Variants in OSBPL1A observed in about 807,000 individuals in gnomAD.
OSBPL1A encodes oxysterol binding protein like 1A, also known as oxysterol-binding protein-related protein 1.
In OSBPL1A, 80 loss-of-function variants were observed where a neutral mutation model predicts 137.1. The observed-to-expected ratio is 0.58, with a 90% CI of 0.49 to 0.70. The LOEUF (loss-of-function observed/expected upper bound fraction) is 0.70. Among genes scored for constraint, OSBPL1A ranks in the 30% least tolerant of loss-of-function variants. OSBPL1A has a pLI of 0.00. For missense variants in OSBPL1A, 970 were observed against 1,129.4 expected (o/e 0.86, Z 2.02); for synonymous variants, 365 against 389.7 (o/e 0.94, Z 0.75).
In OSBPL1A at chr18:24,225,101, C is replaced by CATTCT. The variant is rs2088029444; in HGVS notation, c.1537_1541dup (p.Met514IlefsTer63). Reference sequence around the variant, plus strand: ...CGCCACCACAGTCTTTTTCTTCGGACATTCTGTGTTTTCTACTGCCCAAAT... The same window carrying CATTCT: ...CGCCACCACAGTCTTTTTCTTCGGACATTCTATTCTGTGTTTTCTACTGCCCAAAT... On this transcript the variant is annotated frameshift_variant, in exon 17 of 28. Coordinates refer to ENST00000319481, the MANE Select transcript of OSBPL1A (RefSeq NM_080597.4). LOFTEE classifies it high-confidence loss of function. 1 of 1,614,196 alleles carries CATTCT rather than the reference C, an allele frequency of 6.2e-7. No homozygotes were observed. The highest frequency in any genetic ancestry group is 8.5e-7 in the Non-Finnish European group (1 of 1,180,026).
chr18:24,374,946 C>G (rs1286941232), intron 2 of OSBPL1A, among the ~76,000 whole-genome samples: 1 of 152,054 alleles, frequency 6.6e-6, no homozygotes, highest in Non-Finnish European at 1.5e-5. Context: ...CACAGCAAGT[C>G]TCACCTCTAC....
At chr18:24,284,718 G>A (rs182972413) in intron 14 of OSBPL1A, among the ~76,000 whole-genome samples, 111 of 152,196 alleles carry the variant, frequency 7.3e-4, no homozygotes, top group South Asian at 5.8e-3. Context: ...TCCTGGAAAT[G>A]TTTGTTTACC....
rs1047003712 is a variant in OSBPL1A, at chr18:24,164,574, G to T, written c.2750+491C>A. Among the ~76,000 whole-genome samples the T allele has an allele frequency of 2.2e-4, 34 of 151,976 alleles. No homozygotes were observed. In the East Asian group the frequency reaches 3.9e-3, roughly 17 times the overall value. On this transcript the variant is annotated intron_variant, in intron 27 of 27. Coordinates refer to ENST00000319481, the MANE Select transcript of OSBPL1A (RefSeq NM_080597.4). ...CTCCTGAATATCTGGGACTACAGGC[G>T]CCCGCCACCACGCCCAGCTAATTTT...
chr18:24,271,917 C>T lies in OSBPL1A; in HGVS notation c.1281+8925G>A. 1 of 983,986 alleles carries T rather than the reference C, an allele frequency of 1.0e-6. No individual in the cohort carries two copies. Among genetic ancestry groups the T allele is most frequent in the African/African-American group, 1.7e-5 (1 of 57,186 alleles). The allele number at this position is 983,986 out of a possible 1,614,324, so 61.0% of individuals were successfully genotyped here. A position where few individuals can be genotyped will look rare whatever the true frequency, so the allele number is the denominator to read the frequency against. On this transcript the variant is annotated intron_variant, in intron 15 of 27. Transcript: ENST00000319481. This position sits in a 1 kb window ranked among gnomAD's most constrained non-coding sequence, Gnocchi z 4.0. ...CGCCCGCCCGGGCCGCAGAGGTCTG[C>T]GCTGCCCCTCCGCCGCCGCTGGCTC...
At chr18:24,191,588 A>G (rs746514412) in intron 18 of OSBPL1A, among the ~76,000 whole-genome samples, 3 of 152,250 alleles carry the variant, frequency 2.0e-5, no homozygotes, top group African/African-American at 4.8e-5. Flanking sequence ...AATTGTAATC[A>G]AATACTAACA....
At chr18:24,174,614 C>A (rs1465205288) in intron 21 of OSBPL1A, among the ~76,000 whole-genome samples, 1 of 152,170 alleles carries the variant, frequency 6.6e-6, no homozygotes, top group Non-Finnish European at 1.5e-5. Flanking sequence ...CCTCCACATC[C>A]TTGTCAGCAC....
At chr18:24,360,135 A>AT (rs1213179979) in intron 4 of OSBPL1A, among the ~76,000 whole-genome samples, 1 of 151,966 alleles carries the variant, frequency 6.6e-6, no homozygotes, top group East Asian at 1.9e-4. Flanking sequence ...GGCCCAGCTA[A>AT]TTTTTTTGTA....
intron 4 of OSBPL1A, among the ~76,000 whole-genome samples, chr18:24,360,693 C>T (rs982701757): frequency 6.6e-6 from 1 of 152,110 alleles, no homozygotes. Flanking sequence ...TGTTGGAGTT[C>T]ACATGTCCTT....
chr18:24,170,587 T>A, intron 23 of OSBPL1A, 134 bp from the exon 24 acceptor site: 1 of 914,362 alleles, frequency 1.1e-6, no homozygotes, highest in Non-Finnish European at 1.7e-6. Flanking sequence ...CAAGAGCAGA[T>A]GAGATCAGGC....
chr18:24,354,051 A>G (rs2091491279), intron 4 of OSBPL1A, among the ~76,000 whole-genome samples: 1 of 152,148 alleles, frequency 6.6e-6, no homozygotes, highest in Non-Finnish European at 1.5e-5. Context: ...CATGTACCCT[A>G]AAACTTAAAG....
chr18:24,211,058 C>T (rs982702639), intron 17 of OSBPL1A, among the ~76,000 whole-genome samples: 6 of 152,064 alleles, frequency 3.9e-5, no homozygotes, highest in African/African-American at 9.7e-5. Context: ...CTCTGCCTCC[C>T]GGGTTCAAGT....
intron 14 of OSBPL1A, among the ~76,000 whole-genome samples, chr18:24,289,311 T>C (rs2090131215): frequency 6.6e-6 from 1 of 151,688 alleles, no homozygotes; most frequent in Admixed American, 6.6e-5. Flanking sequence ...GTAGATCTGG[T>C]TATAAATCTG....
At chr18:24,168,521 G>A (rs183358996) in intron 24 of OSBPL1A, among the ~76,000 whole-genome samples, 18 of 152,328 alleles carry the variant, frequency 1.2e-4, no homozygotes, top group African/African-American at 4.3e-4. Flanking sequence ...CTGTATGTAT[G>A]CAGTCTTTAT....
rs2089312473 is a variant in OSBPL1A, at chr18:24,257,377, G to A, written c.1282-17995C>T. On this transcript the variant is annotated intron_variant, in intron 15 of 27. Transcript: ENST00000319481. ...AAAGGTACCAAGAACATATATTGGA[G>A]AAAAGACAGTCTCTTCAATAAGTTG... is the stretch of plus-strand genomic sequence containing the variant. 2.0e-5 allele frequency among the ~76,000 whole-genome samples: 3 copies of A among 152,246 alleles called. No individual in the cohort carries two copies. In the South Asian group the frequency reaches 6.2e-4, roughly 32 times the overall value.
intron 4 of OSBPL1A, among the ~76,000 whole-genome samples, chr18:24,352,442 C>T (rs2091457403): frequency 6.6e-6 from 1 of 152,176 alleles, no homozygotes; most frequent in African/African-American, 2.4e-5. Flanking sequence ...AAGAACATTT[C>T]ATGCTCATGG....
intron 1 of OSBPL1A, among the ~76,000 whole-genome samples, chr18:24,384,545 G>A (rs1368531008): frequency 6.6e-6 from 1 of 150,664 alleles, no homozygotes; most frequent in Non-Finnish European, 1.5e-5. Flanking sequence ...TCCAGCCTGG[G>A]TGACAGAGCG....
intron 1 of OSBPL1A, among the ~76,000 whole-genome samples, chr18:24,396,784 C>T (rs1056178847): frequency 6.6e-6 from 1 of 152,108 alleles, no homozygotes; most frequent in Non-Finnish European, 1.5e-5. Flanking sequence ...CCCCTCAAAA[C>T]GAATCTGCAA....
rs780346002 is a variant in OSBPL1A at position 24,341,535 on chromosome 18, CATG to C, written c.394+9_394+11del. 2.5e-6 allele frequency: 4 copies of C among 1,589,106 alleles called. No homozygotes were observed. The highest frequency in any genetic ancestry group is 1.7e-5 in the Admixed American group (1 of 59,036). ...AGTAAATGCTGTTTATGTTCACATC[CATG>C]ATATTTACCTTCAAGCATGCTTCTG... On this transcript the variant is annotated intron_variant, in intron 5 of 27. Transcript: ENST00000319481.
At chr18:24,349,424 T>A (rs878917171) in intron 4 of OSBPL1A, among the ~76,000 whole-genome samples, 1 of 152,100 alleles carries the variant, frequency 6.6e-6, no homozygotes, top group African/African-American at 2.4e-5. Context: ...TATTAAAAAA[T>A]GAACATCCGG....
Sources: gnomAD v4.1 joint callset for allele counts (sites outside exome capture counted in the v4.1 genomes callset) on GRCh38, gnomAD v4.1.1 for gene constraint, Gnocchi (gnomAD v3.1) non-coding constraint, MANE v1.5 for transcripts, NCBI Gene and HGNC (gene_info 2026-07-23, HGNC 2026-07-21) for gene names.